STRN: variants seen among roughly 807,000 people sequenced by gnomAD.
The protein encoded by STRN is striatin.
A neutral mutation model predicts 96.3 loss-of-function variants in STRN; 53 were observed. That is an observed-to-expected ratio of 0.55 (90% CI 0.44 to 0.69). The LOEUF (loss-of-function observed/expected upper bound fraction) is 0.69. Among genes scored for constraint, STRN ranks in the 30% least tolerant of loss-of-function variants. The pLI, the probability that STRN is intolerant of heterozygous loss-of-function variation, is 0.00. For synonymous variants in STRN, 428 were observed against 355.9 expected, an observed-to-expected ratio of 1.20 and a Z score of -2.28; for missense variants, 987 against 963.9, an observed-to-expected ratio of 1.02 and a Z score of -0.32.
Position 36,850,983 on chromosome 2 carries a change from T to C in STRN, c.2086+17A>G. On this transcript the variant is annotated intron_variant, in intron 16 of 17. Coordinates refer to ENST00000263918, the MANE Select transcript of STRN (RefSeq NM_003162.4). The stretch of plus-strand genomic sequence containing the variant: ...TTTTTTTGCTTTAATAAAAATCAAT[T>C]CTTAATAAATTCTTACCTGTATTGT... 1 of 1,530,186 alleles carries C rather than the reference T, an allele frequency of 6.5e-7. No individual in the cohort carries two copies. Among genetic ancestry groups the C allele is most frequent in the Non-Finnish European group, 8.8e-7 (1 of 1,131,060 alleles). The allele number at this position is 1,530,186 out of a possible 1,614,324, so 94.8% of individuals were successfully genotyped here.
intron 3 of STRN, among the ~76,000 whole-genome samples, chr2:36,909,661 T>C (rs1046874493): frequency 6.6e-6 from 1 of 151,774 alleles, no homozygotes; most frequent in Non-Finnish European, 1.5e-5. Context: ...ATGAAAACTA[T>C]AAACCCATAG....
chr2:36,878,142 T>C lies in STRN; in HGVS notation c.1187-115A>G, dbSNP rs535124145. On this transcript the variant is annotated intron_variant, in intron 9 of 17. Transcript: ENST00000263918. ...ACGTATATACTTAATTGTTTTTAAA[T>C]GCTTTTAAACACAATAAAATTCAGT... is the stretch of plus-strand genomic sequence containing the variant. 6.9e-6 allele frequency: 8 copies of C among 1,166,528 alleles called. No individual in the cohort carries two copies. The East Asian group carries it at 7.3e-5, about 11-fold the overall frequency. 72.3% of individuals were successfully genotyped at this position (1,166,528 alleles called of 1,614,324 possible).
Position 36,855,287 on chromosome 2 carries a change from T to C in STRN, c.1903A>G (p.Ser635Gly), listed in dbSNP as rs772957763. The C allele has an allele frequency of 3.1e-6, 5 of 1,614,026 alleles. No individual in the cohort carries two copies. In the African/African-American group the frequency reaches 6.7e-5, roughly 22 times the overall value. ...SDPSHMVASF[S>G]KGYTSIFNME... ...TTAAAAATGCTTGTATATCCCTTGC[T>C]GAATGATGCTACCATATGGCTCGGG... The change falls in exon 15 of 18, where the codon AGC becomes GGC. Residue 635 changes from serine (S) to glycine (G), a missense_variant. Transcript: ENST00000263918.
chr2:36,892,583 T>C (rs762827398), intron 7 of STRN, among the ~76,000 whole-genome samples: 30 of 152,144 alleles, frequency 2.0e-4, no homozygotes, highest in Non-Finnish European at 4.3e-4. Context: ...TAAAATCTAA[T>C]CTTCAGTTAT....
rs770177367 is a variant in STRN at position 36,894,005 on chromosome 2, C to T, written c.824G>A (p.Ser275Asn). The change falls in exon 7 of 18, where the codon AGC becomes AAC. Residue 275 changes from serine to asparagine, a missense_variant. Physicochemically the swap from Ser to Asn is conservative, Grantham distance 46. Transcript: ENST00000263918. The part of the protein sequence containing the change: ...TIVRKKALPD[S>N]GEDRDTKEAL... ...TTCTTTTGTATCTCGATCTTCACCG[C>T]TGTCAGGCAATGCTTTTTTCCTAAC... 10 of 1,613,188 alleles carry T rather than the reference C, an allele frequency of 6.2e-6. No homozygotes were observed. The East Asian group carries it at 2.2e-4, about 36-fold the overall frequency.
At chr2:36,901,016 A>G (rs1223637429) in intron 5 of STRN, among the ~76,000 whole-genome samples, 1 of 152,024 alleles carries the variant, frequency 6.6e-6, no homozygotes, top group Non-Finnish European at 1.5e-5. Flanking sequence ...AAAAAAAAAA[A>G]ATTGTAGAAA....
chr2:36,874,034 T>C (rs1164623172), intron 10 of STRN, among the ~76,000 whole-genome samples: 2 of 148,978 alleles, frequency 1.3e-5, no homozygotes, highest in Non-Finnish European at 3.0e-5. Context: ...GGCGGGTGGA[T>C]CACAAGGTCA....
chr2:36,862,969 C>A (rs912304766), intron 12 of STRN, among the ~76,000 whole-genome samples: 1 of 152,134 alleles, frequency 6.6e-6, no homozygotes, highest in African/African-American at 2.4e-5. Flanking sequence ...ATGATCCGCC[C>A]GCCTCGGCCT....
intron 12 of STRN, 107 bp from the exon 13 acceptor site, chr2:36,861,360 CT>C: frequency 1.4e-6 from 2 of 1,407,292 alleles, no homozygotes; most frequent in Non-Finnish European, 1.9e-6. Context: ...TATTTTTCTG[CT>C]TTTTATAAAA....
At chr2:36,920,918 T>C (rs1178335138) in intron 2 of STRN, among the ~76,000 whole-genome samples, 1 of 151,138 alleles carries the variant, frequency 6.6e-6, no homozygotes, top group Non-Finnish European at 1.5e-5. Context: ...CTACTAAAAA[T>C]ACAAAAATTA....
chr2:36,890,466 G>A (rs1317933558), intron 7 of STRN, among the ~76,000 whole-genome samples: 2 of 149,270 alleles, frequency 1.3e-5, no homozygotes, highest in South Asian at 2.1e-4. Flanking sequence ...TATTATCACT[G>A]CACCAGAAAA....
At chr2:36,934,018 A>G (rs1234080878) in intron 1 of STRN, among the ~76,000 whole-genome samples, 2 of 152,210 alleles carry the variant, frequency 1.3e-5, no homozygotes, top group Non-Finnish European at 2.9e-5. Flanking sequence ...AGGCTGAGGA[A>G]GAATGGCGTG....
chr2:36,958,835 T>C (rs991392354), intron 1 of STRN, among the ~76,000 whole-genome samples: 1 of 151,940 alleles, frequency 6.6e-6, no homozygotes, highest in Non-Finnish European at 1.5e-5. Flanking sequence ...TAAAAAGAAA[T>C]ATAGGCTGGG....
At chr2:36,950,935 AT>A (rs1664738194) in intron 1 of STRN, among the ~76,000 whole-genome samples, 1 of 152,200 alleles carries the variant, frequency 6.6e-6, no homozygotes, top group African/African-American at 2.4e-5. Context: ...TATATTATTT[AT>A]TTTAAAAAGC....
rs191710423 is a variant in STRN at position 36,857,749 on chromosome 2, T to G, written c.1837+107A>C. 5.3e-5 allele frequency: 52 copies of G among 974,906 alleles called. No individual in the cohort carries two copies. In the African/African-American group the frequency reaches 8.0e-4, roughly 15 times the overall value. 60.4% of individuals were successfully genotyped at this position (974,906 alleles called of 1,614,324 possible). ...AATACACTTTCGTGGCTTCAAAAAC[T>G]TTCAAATTAAATTTAAAGAGTTCAG... On this transcript the variant is annotated intron_variant, in intron 14 of 17. Transcript: ENST00000263918.
chr2:36,865,520 G>C (rs1558627498), intron 12 of STRN, among the ~76,000 whole-genome samples: 1 of 151,896 alleles, frequency 6.6e-6, no homozygotes. Flanking sequence ...GCTAGCTTTG[G>C]GGTTGGTTTT....
chr2:36,863,637 T>C (rs1490578109), intron 12 of STRN, among the ~76,000 whole-genome samples: 4 of 152,222 alleles, frequency 2.6e-5, no homozygotes, highest in Admixed American at 6.5e-5. Flanking sequence ...TTGCTTAGGA[T>C]TGCCTTGGCT....
chr2:36,917,395 C>A (rs2148220668), intron 2 of STRN, among the ~76,000 whole-genome samples: 1 of 151,628 alleles, frequency 6.6e-6, no homozygotes, highest in African/African-American at 2.4e-5. Flanking sequence ...TGGTGGTGTA[C>A]CTGTAATCCC....
In STRN at chr2:36,869,635, G is replaced by C; in HGVS notation, c.1418C>G (p.Pro473Arg). The change falls in exon 11 of 18, where the codon CCC becomes CGC. Residue 473 changes from proline to arginine, a missense_variant. Transcript: ENST00000263918. ...FDGIRALAFH[P>R]IEPVLITASE... ...TGCTGTTATCAAAACAGGCTCAATGGGATGGAAAGCAAGGGCTCGGATGCC... is the reference window on the plus strand; with the variant it reads ...TGCTGTTATCAAAACAGGCTCAATGCGATGGAAAGCAAGGGCTCGGATGCC... 6.2e-7 allele frequency: 1 copy of C among 1,612,750 alleles called. No homozygotes were observed. The highest frequency in any genetic ancestry group is 8.5e-7 in the Non-Finnish European group (1 of 1,179,354).
Sources: gnomAD v4.1 joint callset for allele counts (sites outside exome capture counted in the v4.1 genomes callset) on GRCh38, gnomAD v4.1.1 for gene constraint, MANE v1.5 for transcripts, NCBI Gene and HGNC (gene_info 2026-07-23, HGNC 2026-07-21) for gene names.